Variants in GPC5 observed in about 807,000 individuals in gnomAD.
GPC5 encodes the protein glypican-5.
Under a neutral mutation model 53.9 loss-of-function variants are expected in GPC5, and 47 were observed. The observed-to-expected ratio is 0.87, with a 90% CI of 0.69 to 1.11. GPC5 has a LOEUF of 1.11. Among genes scored for constraint, GPC5 ranks in the 50% most tolerant of loss-of-function variants. GPC5 has a pLI of 0.00. For synonymous variants in GPC5, 286 were observed against 263.3 expected (o/e 1.09, Z -0.84); for missense variants, 748 against 713.1 (o/e 1.05, Z -0.56).
intron 7 of GPC5, among the ~76,000 whole-genome samples, chr13:92,305,276 A>G (rs1454831881): frequency 2.6e-5 from 4 of 152,116 alleles, no homozygotes; most frequent in African/African-American, 7.2e-5. Flanking sequence ...GTTAAAGTTA[A>G]CCCATCATAT....
rs189820300 is a variant in GPC5, at chr13:91,434,021, A to G, written c.164-14740A>G. Among the ~76,000 whole-genome samples the G allele has an allele frequency of 2.6e-5, 4 of 152,202 alleles. No homozygotes were observed. In the South Asian group the frequency reaches 6.2e-4, roughly 24 times the overall value. On this transcript the variant is annotated intron_variant, in intron 1 of 7. Coordinates refer to ENST00000377067, the MANE Select transcript of GPC5 (RefSeq NM_004466.6). ...CTTCTTTTGAGAAGTGTCTGTTCATATCCTTTGCCCACTTTTTGATGGGGT... is the reference window on the plus strand; with the variant it reads ...CTTCTTTTGAGAAGTGTCTGTTCATGTCCTTTGCCCACTTTTTGATGGGGT...
chr13:92,221,749 C>A (rs1377370873), intron 7 of GPC5, among the ~76,000 whole-genome samples: 1 of 152,066 alleles, frequency 6.6e-6, no homozygotes, highest in African/African-American at 2.4e-5. Flanking sequence ...GCAATGCAAC[C>A]TTTCTTCATT....
intron 5 of GPC5, among the ~76,000 whole-genome samples, chr13:91,766,247 T>C (rs1257467655): frequency 6.6e-6 from 1 of 152,242 alleles, no homozygotes; most frequent in African/African-American, 2.4e-5. Flanking sequence ...AGCAAATGCA[T>C]TCTTGAGTGA....
chr13:91,543,530 CAAAGAG>C (rs1234846315), intron 2 of GPC5, among the ~76,000 whole-genome samples: 1 of 79,226 alleles, frequency 1.3e-5, no homozygotes, highest in Non-Finnish European at 3.1e-5. Flanking sequence ...CATGATTTTT[CAAAGAG>C]AGAGAGAGAG....
At chr13:92,156,561 T>G (rs1362718023) in intron 7 of GPC5, among the ~76,000 whole-genome samples, 3 of 152,192 alleles carry the variant, frequency 2.0e-5, no homozygotes, top group African/African-American at 7.2e-5. Flanking sequence ...ACATTTTGAC[T>G]GAGTTTTGTT....
At chr13:92,018,462 C>T (rs1046889095) in intron 6 of GPC5, among the ~76,000 whole-genome samples, 2 of 151,974 alleles carry the variant, frequency 1.3e-5, no homozygotes, top group African/African-American at 4.8e-5. Flanking sequence ...CAAAACGTAA[C>T]GTGCCTGTTT....
At chr13:92,082,677 A>T in intron 6 of GPC5, among the ~76,000 whole-genome samples, 1 of 152,328 alleles carries the variant, frequency 6.6e-6, no homozygotes, top group East Asian at 1.9e-4. Context: ...GTAATTGATA[A>T]ATAAGAGTTT....
intron 5 of GPC5, among the ~76,000 whole-genome samples, chr13:91,890,209 G>T (rs1400565716): frequency 1.3e-5 from 2 of 152,160 alleles, no homozygotes; most frequent in East Asian, 1.9e-4. Flanking sequence ...TAAGATTGTG[G>T]TTTTTGCAGT....
chr13:92,749,491 T>C (rs1889325100), intron 7 of GPC5, among the ~76,000 whole-genome samples: 1 of 152,166 alleles, frequency 6.6e-6, no homozygotes, highest in Non-Finnish European at 1.5e-5. Context: ...GCTAGTTATA[T>C]TGATAGTATT....
intron 7 of GPC5, among the ~76,000 whole-genome samples, chr13:92,538,601 A>G (rs1220939126): frequency 6.9e-6 from 1 of 144,040 alleles, no homozygotes. Context: ...TCCTAATGCT[A>G]TCCCTCCCCT....
At chr13:91,607,605 A>G (rs1162374438) in intron 2 of GPC5, among the ~76,000 whole-genome samples, 1 of 152,216 alleles carries the variant, frequency 6.6e-6, no homozygotes, top group Non-Finnish European at 1.5e-5. Context: ...ATGTAAATAT[A>G]AGCAAAGGTT....
intron 7 of GPC5, among the ~76,000 whole-genome samples, chr13:92,752,394 G>A (rs963864899): frequency 6.6e-6 from 1 of 152,156 alleles, no homozygotes; most frequent in Admixed American, 6.5e-5. Context: ...ATTGCTTGTA[G>A]AGACAATGGA....
At chr13:92,743,229 C>G (rs577405945) in intron 7 of GPC5, among the ~76,000 whole-genome samples, 64 of 152,060 alleles carry the variant, frequency 4.2e-4, no homozygotes, top group African/African-American at 1.5e-3. Context: ...ATGAAATGTT[C>G]TTCCATTTAC....
intron 7 of GPC5, among the ~76,000 whole-genome samples, chr13:92,633,271 T>C (rs1464025532): frequency 6.6e-6 from 1 of 152,054 alleles, no homozygotes; most frequent in African/African-American, 2.4e-5. Context: ...GAGTTACAAT[T>C]CAAGATGGGT....
At chr13:91,796,074 G>T (rs1261318471) in intron 5 of GPC5, among the ~76,000 whole-genome samples, 2 of 152,122 alleles carry the variant, frequency 1.3e-5, no homozygotes, top group Non-Finnish European at 2.9e-5. Context: ...CAAGCCTCTT[G>T]CTCTCTGACC....
At chr13:91,998,994 TA>T (rs1050426159) in intron 6 of GPC5, among the ~76,000 whole-genome samples, 2 of 152,118 alleles carry the variant, frequency 1.3e-5, no homozygotes. Context: ...AGAACTTCAA[TA>T]AAAAATATAA....
chr13:92,089,220 G>T (rs1187938400), intron 6 of GPC5, among the ~76,000 whole-genome samples: 2 of 152,182 alleles, frequency 1.3e-5, no homozygotes, highest in Admixed American at 6.6e-5. Flanking sequence ...CGATCACGAG[G>T]TCAGGAGATG....
At chr13:92,264,752 T>C (rs994536032) in intron 7 of GPC5, among the ~76,000 whole-genome samples, 8 of 152,062 alleles carry the variant, frequency 5.3e-5, no homozygotes, top group African/African-American at 1.9e-4. Flanking sequence ...CTTTTGTTAC[T>C]AATTTATAGC....
chr13:91,480,707 C>A (rs529614596), intron 2 of GPC5, among the ~76,000 whole-genome samples: 2 of 152,208 alleles, frequency 1.3e-5, no homozygotes, highest in East Asian at 3.9e-4. Flanking sequence ...TTCTAAAGAG[C>A]CTGAGCCCTT....
Sources: allele counts gnomAD v4.1 joint callset (sites outside exome capture counted in the v4.1 genomes callset), GRCh38; gene constraint gnomAD v4.1.1; transcripts MANE v1.5; gene names NCBI Gene and HGNC (gene_info 2026-07-23, HGNC 2026-07-21).